GP1BA: variants seen among roughly 807,000 people sequenced by gnomAD.
GP1BA encodes platelet glycoprotein Ib alpha chain.
A neutral mutation model predicts 5.6 loss-of-function variants in GP1BA; 3 were observed. The ratio of observed to expected loss-of-function variants is 0.53; its 90% confidence interval spans 0.24 to 1.38. The LOEUF is 1.38. Among genes scored for constraint, GP1BA ranks in the 40% most tolerant of loss-of-function variants. The pLI is 0.16. For synonymous variants in GP1BA, 323 were observed against 358.3 expected (o/e 0.90, Z 1.11); for missense variants, 707 against 801.4 (o/e 0.88, Z 1.42).
Position 4,934,638 on chromosome 17 carries a change from G to T in GP1BA, c.*75G>T, listed in dbSNP as rs1195616056. 8 of 1,474,922 alleles carry T rather than the reference G, an allele frequency of 5.4e-6. No individual in the cohort carries two copies. Among genetic ancestry groups the T allele is most frequent in the Admixed American group, 2.1e-5 (1 of 48,604 alleles). The allele number at this position is 1,474,922 out of a possible 1,614,324, so 91.4% of individuals were successfully genotyped here. The stretch of plus-strand genomic sequence containing the variant: ...TGGAATCTAGTTGGGGGTTGGAGGG[G>T]TAAGGAACACAGGGTGATAGGGAGG... On this transcript the variant is annotated 3_prime_UTR_variant, in exon 2 of 2. Coordinates refer to ENST00000329125, the MANE Select transcript of GP1BA (RefSeq NM_000173.7).
At position 4,932,768 on chromosome 17, in the gene GP1BA, G is replaced by C; in HGVS notation, c.164G>C (p.Ser55Thr). The change falls in exon 2 of 2, where the codon AGT (serine) becomes ACT (threonine). Residue 55 changes from serine (S) to threonine (T), a missense_variant. Physicochemically the swap from Ser to Thr is moderately conservative, Grantham distance 58. Transcript: ENST00000329125. This position sits in a 1 kb window ranked among gnomAD's most constrained non-coding sequence, Gnocchi z 4.8. The stretch of plus-strand genomic sequence containing the variant: ...AAAGACACAACCATCCTCCACCTGA[G>C]TGAGAACCTCCTGTACACCTTCTCC... ...LPKDTTILHL[S>T]ENLLYTFSLA... 2 of 1,614,004 alleles carry C rather than the reference G, an allele frequency of 1.2e-6. No individual in the cohort carries two copies. Among genetic ancestry groups the C allele is most frequent in the Admixed American group, 1.7e-5 (1 of 60,018 alleles).
Position 4,934,657 on chromosome 17 carries a change from A to AG in GP1BA, c.*97dup, listed in dbSNP as rs199616811. The AG allele has an allele frequency of 1, 1,242,549 of 1,242,850 alleles. 621,125 individuals are homozygous for AG. Among genetic ancestry groups the AG allele is most frequent in the Middle Eastern group, 1 (4,072 of 4,072 alleles). The allele number at this position is 1,242,850 out of a possible 1,614,324, so 77.0% of individuals were successfully genotyped here. On this transcript the variant is annotated 3_prime_UTR_variant, in exon 2 of 2. Transcript: ENST00000329125. ...GGAGGGGTAAGGAACACAGGGTGAT[A>AG]GGGAGGGGTCTTAGTTCCTTTTTCT...
At position 4,932,611 on chromosome 17, in the gene GP1BA, C is replaced by G; in HGVS notation, c.7C>G (p.Leu3Val). ...CCCTTGCCCACAGGTCCTCATGCCT[C>G]TCCTCCTCTTGCTGCTCCTGCTGCC... MP[L>V]LLLLLLLPSP... The change falls in exon 2 of 2, where the codon CTC becomes GTC. Residue 3 changes from leucine to valine, a missense_variant. By Grantham distance (32) the Leu-to-Val change is conservative. This residue lies in a region of GP1BA where 442 missense variants were observed against 498.8 expected (regional missense o/e 0.89). Coordinates refer to ENST00000329125, the MANE Select transcript of GP1BA (RefSeq NM_000173.7). This position sits in a 1 kb window ranked among gnomAD's most constrained non-coding sequence, Gnocchi z 4.8. 6.2e-7 allele frequency: 1 copy of G among 1,613,074 alleles called. No individual in the cohort carries two copies. Among genetic ancestry groups the G allele is most frequent in the Non-Finnish European group, 8.5e-7 (1 of 1,179,296 alleles).
In GP1BA at chr17:4,934,378, C is replaced by T. The variant is rs377404073; in HGVS notation, c.1774C>T (p.Arg592Trp). 5.7e-5 allele frequency: 92 copies of T among 1,613,940 alleles called. No homozygotes were observed. The highest frequency in any genetic ancestry group is 2.1e-4 in the African/African-American group (16 of 74,954). The change falls in exon 2 of 2, where the codon CGG becomes TGG. Residue 592 changes from arginine (R) to tryptophan (W), a missense_variant. Arg to Trp is a moderately radical substitution (Grantham distance 101, BLOSUM62 -3). This residue lies in a region of GP1BA where 247 missense variants were observed against 246.6 expected (regional missense o/e 1.00). Transcript: ENST00000329125. ...GAGGGGACGGCAAGTGACAGTGCCC[C>T]GGGCCTGGCTGCTCTTCCTTCGAGG... ...LQRGRQVTVP[R>W]AWLLFLRGSL... is the part of the protein sequence containing the mutation.
rs1597637971 is a variant in GP1BA at position 4,932,349 on chromosome 17, G to A, written c.-23G>A. ...CTAGAAGACGCTCTGTGCCTTCGGA[G>A]GTCTTTCTGCCTGCCTGTAAGCCGG... On this transcript the variant is annotated 5_prime_UTR_variant, in exon 1 of 2. Transcript: ENST00000329125. This position sits in a 1 kb window ranked among gnomAD's most constrained non-coding sequence, Gnocchi z 4.8. The A allele has an allele frequency of 5.1e-6, 7 of 1,365,890 alleles. No homozygotes were observed. Among genetic ancestry groups the A allele is most frequent in the Non-Finnish European group, 5.7e-6 (6 of 1,057,562 alleles). 84.6% of individuals were successfully genotyped at this position (1,365,890 alleles called of 1,614,324 possible).
Position 4,934,734 on chromosome 17 carries a change from A to G in GP1BA, c.*171A>G. 1 of 695,578 alleles carries G rather than the reference A, an allele frequency of 1.4e-6. No individual in the cohort carries two copies. Among genetic ancestry groups the G allele is most frequent in the South Asian group, 1.8e-5 (1 of 54,372 alleles). The allele number at this position is 695,578 out of a possible 1,614,324, so 43.1% of individuals were successfully genotyped here. A position where few individuals can be genotyped will look rare whatever the true frequency, so the allele number is the denominator to read the frequency against. On this transcript the variant is annotated 3_prime_UTR_variant, in exon 2 of 2. Transcript: ENST00000329125. ...CAGGCACACAATTTCAGTCCCAGCC[A>G]AAGCAGAAGGGGTAATGACATGGAC...
At position 4,932,583 on chromosome 17, in the gene GP1BA, G is replaced by T; in HGVS notation, c.-6-16G>T. ...GGGGATGCAGGGGGATCCACTCAAG[G>T]CTCCCTTGCCCACAGGTCCTCATGC... On this transcript the variant is annotated splice_polypyrimidine_tract_variant and intron_variant, in intron 1 of 1. Transcript: ENST00000329125. This position sits in a 1 kb window ranked among gnomAD's most constrained non-coding sequence, Gnocchi z 4.8. 9 of 1,605,178 alleles carry T rather than the reference G, an allele frequency of 5.6e-6. No homozygotes were observed. Among genetic ancestry groups the T allele is most frequent in the Non-Finnish European group, 7.7e-6 (9 of 1,174,108 alleles).
rs1488110242 is a variant in GP1BA at position 4,934,897 on chromosome 17, G to A, written c.*334G>A. 1.8e-5 allele frequency: 7 copies of A among 393,420 alleles called. No individual in the cohort carries two copies. The East Asian group carries it at 3.3e-4, about 19-fold the overall frequency. The allele number at this position is 393,420 out of a possible 1,614,324, so 24.4% of individuals were successfully genotyped here. The stretch of plus-strand genomic sequence containing the variant: ...GAAAATCTGGAAAGTGATTTATCAG[G>A]ATGTGAGCACTCGTTGTGTCTGGAT... On this transcript the variant is annotated 3_prime_UTR_variant, in exon 2 of 2. Transcript: ENST00000329125.
chr17:4,932,628 C>T lies in GP1BA; in HGVS notation c.24C>T (p.Leu8=). ...TCATGCCTCTCCTCCTCTTGCTGCT[C>T]CTGCTGCCAAGCCCCTTACACCCCC... MPLLLLL[L]LLPSPLHPHP... The change falls in exon 2 of 2, where the codon CTC becomes CTT. Residue 8 remains leucine (L), a synonymous_variant. Transcript: ENST00000329125. This position sits in a 1 kb window ranked among gnomAD's most constrained non-coding sequence, Gnocchi z 4.8. The T allele has an allele frequency of 2.5e-6, 4 of 1,613,654 alleles. No homozygotes were observed. The highest frequency in any genetic ancestry group is 3.4e-6 in the Non-Finnish European group (4 of 1,179,642).
In GP1BA at chr17:4,934,265, G is replaced by C. The variant is rs1444918985; in HGVS notation, c.1661G>C (p.Trp554Ser). The change falls in exon 2 of 2, where the codon TGG becomes TCG. Residue 554 changes from tryptophan (W) to serine (S), a missense_variant. Transcript: ENST00000329125. ...GTGGTCCTCATCCTGCTGCTGAGCT[G>C]GGTTGGGCATGTGAAACCACAGGCC... ...ASVVLILLLS[W>S]VGHVKPQALD... 3.7e-6 allele frequency: 6 copies of C among 1,613,916 alleles called. No homozygotes were observed. The highest frequency in any genetic ancestry group is 5.1e-6 in the Non-Finnish European group (6 of 1,179,832).
Position 4,934,151 on chromosome 17 carries a change from G to C in GP1BA, c.1547G>C (p.Arg516Thr). The change falls in exon 2 of 2, where the codon AGA becomes ACA. Residue 516 changes from arginine to threonine, a missense_variant. Coordinates refer to ENST00000329125, the MANE Select transcript of GP1BA (RefSeq NM_000173.7). ...GVLQGHLESSRNDPFLHPDFC... is the reference protein window; with the variant it reads ...GVLQGHLESSTNDPFLHPDFC... ...CTCCAAGGGCATTTGGAGAGCTCCA[G>C]AAATGACCCTTTTCTCCACCCCGAC... The C allele has an allele frequency of 2.5e-6, 4 of 1,613,914 alleles. No homozygotes were observed. Among genetic ancestry groups the C allele is most frequent in the African/African-American group, 1.3e-5 (1 of 75,058 alleles).
Position 4,932,792 on chromosome 17 carries a change from C to T in GP1BA, c.188C>T (p.Ser63Phe), listed in dbSNP as rs755588034. The T allele has an allele frequency of 1.2e-6, 2 of 1,614,022 alleles. No individual in the cohort carries two copies. Among genetic ancestry groups the T allele is most frequent in the Non-Finnish European group, 1.7e-6 (2 of 1,179,880 alleles). Residue 63 changes from serine (S) to phenylalanine (F), a missense_variant, in exon 2 of 2, where the codon TCC becomes TTC. By Grantham distance (155) the Ser-to-Phe change is radical. Coordinates refer to ENST00000329125, the MANE Select transcript of GP1BA (RefSeq NM_000173.7). The surrounding 1 kb of genome is among the most constrained non-coding windows in gnomAD (Gnocchi z 4.8). ...AGTGAGAACCTCCTGTACACCTTCTCCCTGGCAACCCTGATGCCTTACACT... is the reference window on the plus strand; with the variant it reads ...AGTGAGAACCTCCTGTACACCTTCTTCCTGGCAACCCTGATGCCTTACACT... ...HLSENLLYTF[S>F]LATLMPYTRL...
rs372299887 is a variant in GP1BA at position 4,933,762 on chromosome 17, G to C, written c.1158G>C (p.Pro386=). The C allele has an allele frequency of 2.5e-5, 41 of 1,613,150 alleles. No individual in the cohort carries two copies. Among genetic ancestry groups the C allele is most frequent in the Non-Finnish European group, 3.3e-5 (39 of 1,179,756 alleles). The stretch of plus-strand genomic sequence containing the variant: ...CCACTACTGAACCAACCCCAAGCCC[G>C]ACCACCTCAGAGCCCGTCCCGGAGC... The part of the protein sequence containing the change: ...PKSTTEPTPS[P]TTSEPVPEPA... The change falls in exon 2 of 2, where the codon CCG becomes CCC. Residue 386 remains proline (P), a synonymous_variant. Transcript: ENST00000329125.
Position 4,934,660 on chromosome 17 carries a change from G to GA in GP1BA, c.*98dup. 6 of 1,265,632 alleles carry GA rather than the reference G, an allele frequency of 4.7e-6. No homozygotes were observed. The South Asian group carries it at 6.4e-5, about 14-fold the overall frequency. 78.4% of individuals were successfully genotyped at this position (1,265,632 alleles called of 1,614,324 possible). ...GGGGTAAGGAACACAGGGTGATAGG[G>GA]AGGGGTCTTAGTTCCTTTTTCTGTA... On this transcript the variant is annotated 3_prime_UTR_variant, in exon 2 of 2. Transcript: ENST00000329125.
Position 4,933,838 on chromosome 17 carries a change from G to A in GP1BA, c.1234G>A (p.Glu412Lys), listed in dbSNP as rs1567648343. 1 of 1,439,702 alleles carries A rather than the reference G, an allele frequency of 6.9e-7. No individual in the cohort carries two copies. The highest frequency in any genetic ancestry group is 1.9e-4 in the Middle Eastern group (1 of 5,300). The allele number at this position is 1,439,702 out of a possible 1,614,324, so 89.2% of individuals were successfully genotyped here. A position where few individuals can be genotyped will look rare whatever the true frequency, so the allele number is the denominator to read the frequency against. The change falls in exon 2 of 2, where the codon GAG becomes AAG. Residue 412 changes from glutamate (E) to lysine (K), a missense_variant. Around this residue, in one of 3 missense-constraint regions of GP1BA, gnomAD observed 18 missense variants for 56.0 expected, o/e 0.32. Coordinates refer to ENST00000329125, the MANE Select transcript of GP1BA (RefSeq NM_000173.7). Reference protein sequence around the residue: ...LEPTPSPTTPEPTSEPAPSPT... With the variant: ...LEPTPSPTTPKPTSEPAPSPT... ...GCCCACTCCAAGCCCGACCACCCCAGAGCCCACCTCAGAGCCCGCCCCCAG... is the reference window on the plus strand; with the variant it reads ...GCCCACTCCAAGCCCGACCACCCCAAAGCCCACCTCAGAGCCCGCCCCCAG...
rs897927553 is a variant in GP1BA, at chr17:4,934,022, C to T, written c.1418C>T (p.Thr473Ile). 1.5e-5 allele frequency: 24 copies of T among 1,613,342 alleles called. No individual in the cohort carries two copies. Among genetic ancestry groups the T allele is most frequent in the Non-Finnish European group, 1.9e-5 (23 of 1,179,804 alleles). The change falls in exon 2 of 2, where the codon ACT becomes ATT. Residue 473 changes from threonine to isoleucine, a missense_variant. Thr to Ile is a moderately conservative substitution (Grantham distance 89). This residue lies in a region of GP1BA where 247 missense variants were observed against 246.6 expected (regional missense o/e 1.00). Transcript: ENST00000329125. Reference protein sequence around the residue: ...TILVSATSLITPKSTFLTTTK... With the variant: ...TILVSATSLIIPKSTFLTTTK... ...CTGGTGTCTGCCACAAGCCTGATCA[C>T]TCCAAAAAGCACATTTTTAACTACC...
At position 4,933,024 on chromosome 17, in the gene GP1BA, C is replaced by T. The variant is rs80195769; in HGVS notation, c.420C>T (p.Gly140=). 298 of 1,613,964 alleles carry T rather than the reference C, an allele frequency of 1.8e-4. 5 individuals carry two copies. The South Asian group carries it at 2.8e-3, about 15-fold the overall frequency. ...SLPLGALRGL[G]ELQELYLKGN... The stretch of plus-strand genomic sequence containing the variant: ...CTCTTGGTGCCCTGCGTGGTCTTGG[C>T]GAACTCCAAGAGCTCTACCTGAAAG... The change falls in exon 2 of 2, where the codon GGC becomes GGT. Residue 140 remains glycine (G), a synonymous_variant. Coordinates refer to ENST00000329125, the MANE Select transcript of GP1BA (RefSeq NM_000173.7).
chr17:4,933,419 T>C lies in GP1BA; in HGVS notation c.815T>C (p.Val272Ala). ...TGTGACAATTCAGACAAGTTTCCCG[T>C]CTACAAATACCCAGGAAAGGGGTGC... is the stretch of plus-strand genomic sequence containing the variant. ...VQCDNSDKFP[V>A]YKYPGKGCPT... Residue 272 changes from valine to alanine, a missense_variant, in exon 2 of 2, where the codon GTC becomes GCC. Val to Ala is a moderately conservative substitution (Grantham distance 64). Transcript: ENST00000329125. 1.9e-6 allele frequency: 3 copies of C among 1,613,814 alleles called. No homozygotes were observed. Among genetic ancestry groups the C allele is most frequent in the Non-Finnish European group, 2.5e-6 (3 of 1,179,818 alleles).
Position 4,934,326 on chromosome 17 carries a change from C to T in GP1BA, c.1722C>T (p.Ala574=), listed in dbSNP as rs770625174. Residue 574 remains alanine (A), a synonymous_variant, in exon 2 of 2, where the codon GCC becomes GCT. Transcript: ENST00000329125. ...GCCAAGGTGCTGCTCTGACCACAGC[C>T]ACACAAACCACACACCTGGAGCTGC... is the stretch of plus-strand genomic sequence containing the variant. ...DSGQGAALTT[A]TQTTHLELQR... 9 of 1,613,892 alleles carry T rather than the reference C, an allele frequency of 5.6e-6. No individual in the cohort carries two copies. In the East Asian group the frequency reaches 1.8e-4, roughly 32 times the overall value.
Sources: allele counts gnomAD v4.1 joint callset, GRCh38; gene constraint gnomAD v4.1.1; regional missense constraint gnomAD v4.1.1; non-coding constraint Gnocchi (gnomAD v3.1); transcripts MANE v1.5; gene names NCBI Gene and HGNC (gene_info 2026-07-23, HGNC 2026-07-21).